The following CPAMD8 variants were observed in gnomAD, a reference collection of about 807,000 sequenced individuals.
The protein encoded by CPAMD8 is C3 and PZP-like alpha-2-macroglobulin domain-containing protein 8.
In CPAMD8, 146 loss-of-function variants were observed where a neutral mutation model predicts 224.7. The ratio of observed to expected loss-of-function variants is 0.65; its 90% CI spans 0.57 to 0.75. CPAMD8 has a LOEUF of 0.75. Ranked by LOEUF, CPAMD8 falls within the 30% of genes least tolerant of loss-of-function variation. CPAMD8 has a pLI of 0.00. For missense variants in CPAMD8, 2,301 were observed against 2,537.5 expected (o/e 0.91, Z 2.00); for synonymous variants, 966 against 1,044.6 (o/e 0.92, Z 1.45).
intron 14 of CPAMD8, among the ~76,000 whole-genome samples, chr19:16,978,983 A>G (rs561429404): frequency 3.4e-5 from 5 of 147,804 alleles, no homozygotes; most frequent in Non-Finnish European, 6.0e-5. Flanking sequence ...CCACCATCCA[A>G]TCATCTATCC....
intron 23 of CPAMD8, among the ~76,000 whole-genome samples, chr19:16,932,051 G>A (rs1207170471): frequency 2.0e-5 from 3 of 151,952 alleles, no homozygotes; most frequent in Non-Finnish European, 4.4e-5. Context: ...AAGGAAACGT[G>A]ACATCACCAA....
intron 13 of CPAMD8, among the ~76,000 whole-genome samples, chr19:16,983,419 TAAA>T (rs1339623743): frequency 6.6e-6 from 1 of 151,808 alleles, no homozygotes; most frequent in East Asian, 1.9e-4. Context: ...AATAAATAAA[TAAA>T]TAAATAACAA....
In CPAMD8 at chr19:16,980,676, T is replaced by G; in HGVS notation, c.1406A>C (p.Glu469Ala). ...PPSHPLQVGEEAYFSVKSTCP... is the reference protein window; with the variant it reads ...PPSHPLQVGEAAYFSVKSTCP... ...TGTGGACTTCACAGAAAAATAGGCT[T>G]CTTCCCCAACCTATGGAAGACACGC... Residue 469 changes from glutamate (E) to alanine (A), a missense_variant, in exon 14 of 42, where the codon GAA (glutamate) becomes GCA (alanine). By Grantham distance (107) the Glu-to-Ala change is moderately radical (BLOSUM62 -1). This residue lies in a region of CPAMD8 where 301 missense variants were observed against 406.6 expected (regional missense o/e 0.74). Transcript: ENST00000443236. 1 of 1,546,152 alleles carries G rather than the reference T, an allele frequency of 6.5e-7. No individual in the cohort carries two copies.
intron 18 of CPAMD8, among the ~76,000 whole-genome samples, chr19:16,962,368 C>A (rs2054685763): frequency 6.6e-6 from 1 of 152,166 alleles, no homozygotes; most frequent in South Asian, 2.1e-4. Context: ...GAGCTGAAAA[C>A]CATGGCACGA....
intron 15 of CPAMD8, 26 bp downstream of exon 15, chr19:16,977,341 TC>T: frequency 6.4e-7 from 1 of 1,564,694 alleles, no homozygotes; most frequent in Non-Finnish European, 8.8e-7. Context: ...CCTGGCTGTG[TC>T]CCAGGTTCAG....
rs1251264999 is a variant in CPAMD8 at position 17,022,025 on chromosome 19, C to T, written c.244+5G>A. The T allele has an allele frequency of 2.5e-6, 4 of 1,597,252 alleles. No homozygotes were observed. Among genetic ancestry groups the T allele is most frequent in the Non-Finnish European group, 3.4e-6 (4 of 1,172,128 alleles). On this transcript the variant is annotated splice_donor_5th_base_variant and intron_variant, in intron 2 of 41. Transcript: ENST00000443236. ...AAGTCCTGGTCTGGCACCCAAGGGA[C>T]CTACCCAGGATGGCTCCCTGGCTCT... is the stretch of plus-strand genomic sequence containing the variant.
At chr19:16,923,148 T>G (rs910785209) in intron 26 of CPAMD8, among the ~76,000 whole-genome samples, 5 of 152,108 alleles carry the variant, frequency 3.3e-5, no homozygotes, top group Admixed American at 6.5e-5. Flanking sequence ...GAGAGGCCGG[T>G]GGGCCACAGG....
At chr19:16,964,569 G>T (rs2054763070) in intron 18 of CPAMD8, among the ~76,000 whole-genome samples, 1 of 152,224 alleles carries the variant, frequency 6.6e-6, no homozygotes, top group African/African-American at 2.4e-5. Flanking sequence ...ACCAAAAAAA[G>T]TCCAGGACCA....
At chr19:17,011,202 A>G (rs996517788) in intron 5 of CPAMD8, among the ~76,000 whole-genome samples, 1 of 149,250 alleles carries the variant, frequency 6.7e-6, no homozygotes, top group Non-Finnish European at 1.5e-5. Flanking sequence ...GTCTTGGGGA[A>G]AAAAAAAAAA....
intron 30 of CPAMD8, among the ~76,000 whole-genome samples, chr19:16,905,337 T>G (rs553427212): frequency 1.2e-4 from 18 of 151,344 alleles, no homozygotes; most frequent in African/African-American, 3.4e-4. Flanking sequence ...CCCAGCACTT[T>G]GGGAGGCTGA....
At chr19:16,904,132 C>T in intron 32 of CPAMD8, 94 bp downstream of exon 32, 3 of 1,367,652 alleles carry the variant, frequency 2.2e-6, no homozygotes, top group Non-Finnish European at 3.0e-6. Context: ...GAGAAGGGGC[C>T]AGACTGCCTG....
chr19:16,987,152 C>CAAAAAA lies in CPAMD8; in HGVS notation c.1395+2485_1395+2490dup, dbSNP rs1214757739. 3.1e-3 allele frequency among the ~76,000 whole-genome samples: 71 copies of CAAAAAA among 23,000 alleles called. 10 individuals carry two copies. The highest frequency in any genetic ancestry group is 4.7e-3 in the Non-Finnish European group (56 of 11,940). The allele number at this position is 23,000 out of a possible 152,430, so 15.1% of individuals were successfully genotyped here. A position where few individuals can be genotyped will look rare whatever the true frequency, so the allele number is the denominator to read the frequency against. On this transcript the variant is annotated intron_variant, in intron 13 of 41. Coordinates refer to ENST00000443236, the MANE Select transcript of CPAMD8 (RefSeq NM_015692.5). ...CCAGCCTGGGAGACAGAGACTCTGT[C>CAAAAAA]AAAAAAAAAAAAAAAAAAAAAAAAA...
intron 13 of CPAMD8, among the ~76,000 whole-genome samples, chr19:16,981,361 CA>C (rs139294536): frequency 6.7e-6 from 1 of 149,594 alleles, no homozygotes; most frequent in Non-Finnish European, 1.5e-5. Context: ...ACCCTGTCTC[CA>C]AAAAAAAATA....
chr19:16,925,745 G>A (rs1259660498), intron 25 of CPAMD8, among the ~76,000 whole-genome samples: 2 of 145,930 alleles, frequency 1.4e-5, no homozygotes, highest in Non-Finnish European at 3.0e-5. Flanking sequence ...TTCTATTCTA[G>A]TCTTTCTAAA....
intron 23 of CPAMD8, among the ~76,000 whole-genome samples, chr19:16,936,078 C>T (rs2053674510): frequency 6.6e-6 from 1 of 152,090 alleles, no homozygotes. Flanking sequence ...CAGGCACAAG[C>T]CACCATGCCC....
intron 18 of CPAMD8, among the ~76,000 whole-genome samples, chr19:16,962,873 GT>G (rs1224118997): frequency 1.3e-5 from 2 of 152,186 alleles, no homozygotes; most frequent in African/African-American, 4.8e-5. Context: ...CCAGAAGAGA[GT>G]GGGGGCCAAT....
At chr19:16,971,812 C>T (rs577192362) in intron 17 of CPAMD8, among the ~76,000 whole-genome samples, 6 of 152,136 alleles carry the variant, frequency 3.9e-5, no homozygotes, top group East Asian at 3.9e-4. Flanking sequence ...TTTGGGAGGC[C>T]GAGGTGGGCG....
chr19:16,948,901 G>A (rs1157049811), intron 20 of CPAMD8, among the ~76,000 whole-genome samples: 5 of 93,974 alleles, frequency 5.3e-5, no homozygotes, highest in African/African-American at 2.0e-4. Context: ...GGGAAGGGAA[G>A]GGAAGGGAAG....
chr19:16,999,792 C>T (rs558205278), intron 10 of CPAMD8, among the ~76,000 whole-genome samples: 3 of 152,162 alleles, frequency 2.0e-5, no homozygotes, highest in Non-Finnish European at 4.4e-5. Flanking sequence ...AGAGCTGGGA[C>T]TCCAGGCAAT....
Sources: allele counts gnomAD v4.1 joint callset (sites outside exome capture counted in the v4.1 genomes callset), GRCh38; gene constraint gnomAD v4.1.1; regional missense constraint gnomAD v4.1.1; transcripts MANE v1.5; gene names NCBI Gene and HGNC (gene_info 2026-07-23, HGNC 2026-07-21).